Variants in EYS observed in about 807,000 individuals in gnomAD.
EYS encodes the protein EGF-like photoreceptor maintenance factor, also known as protein eyes shut homolog.
EYS carries 250 observed loss-of-function variants against 282.1 expected under a neutral mutation model. That is an observed-to-expected ratio of 0.89 (90% CI 0.80 to 0.98). EYS has a LOEUF of 0.98. EYS is among the 50% of genes least tolerant of loss of function. EYS has a pLI of 0.00. For missense variants in EYS, 4,016 were observed against 3,709.0 expected, an observed-to-expected ratio of 1.08 and a Z score of -2.15; for synonymous variants, 1,355 against 1,282.9, an observed-to-expected ratio of 1.06 and a Z score of -1.20.
intron 8 of EYS, among the ~76,000 whole-genome samples, chr6:65,362,455 A>G (rs1414339328): frequency 3.3e-5 from 5 of 152,000 alleles, no homozygotes; most frequent in African/African-American, 1.2e-4. Flanking sequence ...AAATTGACAT[A>G]TATGTATTTA....
rs1223764358 is a variant in EYS at position 64,686,838 on chromosome 6, C to CGT, written c.3444-60595_3444-60594dup. On this transcript the variant is annotated intron_variant, in intron 22 of 42. Coordinates refer to ENST00000503581, the MANE Select transcript of EYS (RefSeq NM_001142800.2). The stretch of plus-strand genomic sequence containing the variant: ...ATATATATGTGTATATATATATATA[C>CGT]GTGTATATATATATATGTGTATATA... Among the ~76,000 whole-genome samples the CGT allele has an allele frequency of 7.8e-4, 11 of 14,168 alleles. 1 individual carries two copies. The highest frequency in any genetic ancestry group is 1.2e-3 in the African/African-American group (8 of 6,824). The allele number at this position is 14,168 out of a possible 152,430, so 9.3% of individuals were successfully genotyped here.
intron 1 of EYS, among the ~76,000 whole-genome samples, chr6:65,646,762 A>G (rs1345123788): frequency 6.6e-6 from 1 of 152,182 alleles, no homozygotes; most frequent in Non-Finnish European, 1.5e-5. Flanking sequence ...TCGTATACCT[A>G]GAAAACCCTA....
At chr6:65,153,992 A>C (rs754453777) in intron 12 of EYS, among the ~76,000 whole-genome samples, 1 of 151,814 alleles carries the variant, frequency 6.6e-6, no homozygotes, top group Non-Finnish European at 1.5e-5. Flanking sequence ...CGATAGTTCT[A>C]TTAATACTAA....
At chr6:64,509,097 GT>G (rs1461649438) in intron 26 of EYS, among the ~76,000 whole-genome samples, 1 of 152,048 alleles carries the variant, frequency 6.6e-6, no homozygotes, top group Non-Finnish European at 1.5e-5. Flanking sequence ...AAAAATGTTA[GT>G]TTTAAATTTT....
intron 2 of EYS, among the ~76,000 whole-genome samples, chr6:65,593,898 A>T (rs770398965): frequency 6.6e-6 from 1 of 151,972 alleles, no homozygotes; most frequent in African/African-American, 2.4e-5. Context: ...AACTTTTCCA[A>T]TACTGAGTCT....
At chr6:63,971,836 A>T (rs1008087674) in intron 35 of EYS, among the ~76,000 whole-genome samples, 1 of 152,236 alleles carries the variant, frequency 6.6e-6, no homozygotes, top group African/African-American at 2.4e-5. Context: ...ATTTGTCATA[A>T]GTTCTATTAA....
At chr6:64,387,696 A>G (rs1453243724) in intron 29 of EYS, among the ~76,000 whole-genome samples, 2 of 152,128 alleles carry the variant, frequency 1.3e-5, no homozygotes, top group Non-Finnish European at 2.9e-5. Context: ...AAGCACATTA[A>G]TGTTATAGAA....
chr6:64,198,201 G>A (rs966085885), intron 31 of EYS, among the ~76,000 whole-genome samples: 1 of 150,838 alleles, frequency 6.6e-6, no homozygotes, highest in Non-Finnish European at 1.5e-5. Flanking sequence ...TAGAGACGGG[G>A]TTTCATCGTG....
chr6:65,101,731 A>G (rs1365869317), intron 12 of EYS, among the ~76,000 whole-genome samples: 1 of 151,202 alleles, frequency 6.6e-6, no homozygotes, highest in Non-Finnish European at 1.5e-5. Context: ...TGCTATTGGT[A>G]TAAGTATCAG....
chr6:65,620,886 G>T (rs1417700172), intron 2 of EYS, among the ~76,000 whole-genome samples: 2 of 152,142 alleles, frequency 1.3e-5, no homozygotes, highest in African/African-American at 4.8e-5. Context: ...TTAATCCGGA[G>T]TTCTAGTTTG....
At chr6:64,298,001 T>TAAAAAAAAAAAAAAAAAAAAAAA (rs1769097836) in intron 30 of EYS, among the ~76,000 whole-genome samples, 14 of 134,026 alleles carry the variant, frequency 1.0e-4, no homozygotes, top group African/African-American at 3.9e-4. Context: ...AAAAAAAAAT[T>TAAAAAAAAAAAAAAAAAAAAAAA]AGGTAGAAAT....
At chr6:65,012,916 TGCTTA>T (rs1306656277) in intron 13 of EYS, among the ~76,000 whole-genome samples, 1 of 150,726 alleles carries the variant, frequency 6.6e-6, no homozygotes, top group Admixed American at 6.6e-5. Context: ...GCAATAGCAA[TGCTTA>T]GTAGTATAGA....
chr6:64,646,532 G>T (rs536238350), intron 22 of EYS, among the ~76,000 whole-genome samples: 1 of 152,146 alleles, frequency 6.6e-6, no homozygotes, highest in South Asian at 2.1e-4. Context: ...GGCAGGGCGC[G>T]GTGACTCACT....
At chr6:65,519,264 C>T (rs1036869145) in intron 2 of EYS, among the ~76,000 whole-genome samples, 1 of 151,504 alleles carries the variant, frequency 6.6e-6, no homozygotes, top group African/African-American at 2.4e-5. Flanking sequence ...ACATTCATTT[C>T]AATATACATT....
intron 22 of EYS, among the ~76,000 whole-genome samples, chr6:64,674,187 C>G (rs959944937): frequency 6.6e-6 from 1 of 152,054 alleles, no homozygotes; most frequent in Non-Finnish European, 1.5e-5. Flanking sequence ...ATTTATCCAT[C>G]TCTTTTATTG....
intron 29 of EYS, among the ~76,000 whole-genome samples, chr6:64,323,710 A>G (rs952713489): frequency 6.6e-6 from 1 of 152,112 alleles, no homozygotes; most frequent in Non-Finnish European, 1.5e-5. Flanking sequence ...AATTGAAAAC[A>G]TCCTAAATGT....
In EYS at chr6:64,638,741, TCTGA is replaced by T. The variant is rs1172455116; in HGVS notation, c.3444-12500_3444-12497del. On this transcript the variant is annotated intron_variant, in intron 22 of 42. Coordinates refer to ENST00000503581, the MANE Select transcript of EYS (RefSeq NM_001142800.2). ...GTGCAGTCATTTTCAAGCAATTTTC[TCTGA>T]CTATCTTTTCCTCTGGGTTTTTTGA... 2.2e-5 allele frequency among the ~76,000 whole-genome samples: 2 copies of T among 90,822 alleles called. 1 individual carries two copies. Among genetic ancestry groups the T allele is most frequent in the Non-Finnish European group, 4.7e-5 (2 of 42,376 alleles). The allele number at this position is 90,822 out of a possible 152,430, so 59.6% of individuals were successfully genotyped here. A position where few individuals can be genotyped will look rare whatever the true frequency, so the allele number is the denominator to read the frequency against.
intron 22 of EYS, among the ~76,000 whole-genome samples, chr6:64,768,793 C>A (rs1773432590): frequency 6.6e-6 from 1 of 152,134 alleles, no homozygotes; most frequent in African/African-American, 2.4e-5. Flanking sequence ...GCTAGATCAT[C>A]CCTTATCACA....
At chr6:64,408,086 T>C (rs1369720078) in intron 28 of EYS, among the ~76,000 whole-genome samples, 1 of 152,096 alleles carries the variant, frequency 6.6e-6, no homozygotes, top group African/African-American at 2.4e-5. Context: ...AAATTATCTT[T>C]GGAGTATTAT....
Sources: gnomAD v4.1 joint callset for allele counts (sites outside exome capture counted in the v4.1 genomes callset) on GRCh38, gnomAD v4.1.1 for gene constraint, MANE v1.5 for transcripts, NCBI Gene and HGNC (gene_info 2026-07-23, HGNC 2026-07-21) for gene names.